The following TP63 variants were observed in gnomAD, a reference collection of about 807,000 sequenced individuals.
The protein encoded by TP63 is tumor protein p63, also known as tumor protein 63.
In TP63, 17 loss-of-function variants were observed where a neutral mutation model predicts 82.8. The observed-to-expected ratio is 0.21, with a 90% CI of 0.14 to 0.31. The LOEUF is 0.31. TP63 is among the 10% of genes least tolerant of loss of function. The probability of loss-of-function intolerance (pLI) is 1.00; values close to 1 mark genes in which losing one functional copy is unlikely to be tolerated. For synonymous variants in TP63, 330 were observed against 321.7 expected, an observed-to-expected ratio of 1.03 and a Z score of -0.28; for missense variants, 648 against 895.3, an observed-to-expected ratio of 0.72 and a Z score of 3.52.
chr3:189,879,339 G>A (rs1455524610), intron 10 of TP63, among the ~76,000 whole-genome samples: 1 of 152,170 alleles, frequency 6.6e-6, no homozygotes, highest in Non-Finnish European at 1.5e-5. Context: ...TTTATTTCTG[G>A]CATCCTCGTG....
At chr3:189,812,724 C>T (rs1016373758) in intron 4 of TP63, among the ~76,000 whole-genome samples, 2 of 152,190 alleles carry the variant, frequency 1.3e-5, no homozygotes, top group African/African-American at 4.8e-5. Context: ...CACCTAGCTA[C>T]TCATATGCTC....
chr3:189,858,126 C>CACAGTAGAATACTATTCAGTCAGAAAAA (rs148636152), intron 4 of TP63, among the ~76,000 whole-genome samples: 5 of 148,168 alleles, frequency 3.4e-5, no homozygotes, highest in African/African-American at 5.0e-5. Flanking sequence ...TGTGTATAGG[C>CACAGTAGAATACTATTCAGTCAGAAAAA]CGGGCGCGGT....
At chr3:189,820,317 C>G (rs763694210) in intron 4 of TP63, among the ~76,000 whole-genome samples, 1 of 152,150 alleles carries the variant, frequency 6.6e-6, no homozygotes, top group Non-Finnish European at 1.5e-5. Context: ...ATTAAATATA[C>G]GACCATTTGT....
chr3:189,691,458 GT>G (rs1227221350), intron 1 of TP63, among the ~76,000 whole-genome samples: 4 of 151,574 alleles, frequency 2.6e-5, no homozygotes, highest in African/African-American at 9.7e-5. Context: ...ACAATATTTT[GT>G]TGTGGGAAGT....
At chr3:189,647,606 C>A (rs1355833861) in intron 1 of TP63, among the ~76,000 whole-genome samples, 2 of 146,512 alleles carry the variant, frequency 1.4e-5, no homozygotes, top group Non-Finnish European at 3.0e-5. Flanking sequence ...GGGGGGATAT[C>A]TCTCAGGAAA....
intron 5 of TP63, among the ~76,000 whole-genome samples, chr3:189,866,329 G>T (rs1049499704): frequency 1.3e-5 from 2 of 151,960 alleles, no homozygotes; most frequent in African/African-American, 4.8e-5. Flanking sequence ...AAATTAATTT[G>T]CTTATTTCCC....
chr3:189,604,612 G>A, the TP63 span, among the ~76,000 whole-genome samples: 2 of 152,106 alleles, frequency 1.3e-5, no homozygotes, highest in East Asian at 3.9e-4. Context: ...TGTGGAACCC[G>A]ACCCCTAGAC....
chr3:189,821,017 T>A (rs1423621650), intron 4 of TP63, among the ~76,000 whole-genome samples: 1 of 152,226 alleles, frequency 6.6e-6, no homozygotes, highest in Non-Finnish European at 1.5e-5. Flanking sequence ...TCTTAATGAA[T>A]GAATAATATG....
the TP63 span, among the ~76,000 whole-genome samples, chr3:189,619,890 G>A: frequency 6.6e-6 from 1 of 152,164 alleles, no homozygotes; most frequent in Non-Finnish European, 1.5e-5. Flanking sequence ...TGATAAGGGA[G>A]TGGGCCAGTC....
chr3:189,630,375 A>C (rs1207144464), upstream of TP63, among the ~76,000 whole-genome samples: 1 of 152,152 alleles, frequency 6.6e-6, no homozygotes, highest in African/African-American at 2.4e-5. Context: ...CCACAAAACC[A>C]GGATAAGTTT....
intron 3 of TP63, among the ~76,000 whole-genome samples, chr3:189,744,702 C>T (rs189032778): frequency 1.6e-3 from 244 of 152,308 alleles, no homozygotes; most frequent in Middle Eastern, 3.4e-3. Context: ...ACTGCTAATG[C>T]CATCACCCAT....
intron 10 of TP63, among the ~76,000 whole-genome samples, chr3:189,878,501 G>A (rs142786858): frequency 0.052 from 7,588 of 147,324 alleles, 248 homozygotes; most frequent in Non-Finnish European, 0.075. Flanking sequence ...CAACTCTCCT[G>A]CCTCAGCCTC....
At chr3:189,672,616 AG>A (rs1164887682) in intron 1 of TP63, among the ~76,000 whole-genome samples, 39 of 138,664 alleles carry the variant, frequency 2.8e-4, no homozygotes, top group Non-Finnish European at 3.2e-5. Context: ...AAAGATAGAA[AG>A]AAAAAAGGAA....
chr3:189,839,389 G>C (rs1366775308), intron 4 of TP63, among the ~76,000 whole-genome samples: 1 of 152,100 alleles, frequency 6.6e-6, no homozygotes, highest in Non-Finnish European at 1.5e-5. Flanking sequence ...CCCGACCTTG[G>C]AAGAAAAATA....
chr3:189,674,508 G>A (rs772597653), intron 1 of TP63, among the ~76,000 whole-genome samples: 1 of 152,144 alleles, frequency 6.6e-6, no homozygotes, highest in Non-Finnish European at 1.5e-5. Flanking sequence ...AGGTTACACT[G>A]TGGGCAATGA....
At chr3:189,765,701 G>A (rs1722911928) in intron 3 of TP63, among the ~76,000 whole-genome samples, 1 of 151,976 alleles carries the variant, frequency 6.6e-6, no homozygotes, top group Admixed American at 6.5e-5. Flanking sequence ...CCAAAGTGCT[G>A]GGATTTAAGG....
At chr3:189,621,708 G>T in the TP63 span, among the ~76,000 whole-genome samples, 43,658 of 150,706 alleles carry the variant, frequency 0.29, 7,283 homozygotes, top group Middle Eastern at 0.49. Flanking sequence ...ATCTGGAAAA[G>T]AAGGATTTTT....
intron 1 of TP63, among the ~76,000 whole-genome samples, chr3:189,646,476 A>G (rs1208182875): frequency 1.4e-5 from 2 of 147,612 alleles, no homozygotes; most frequent in African/African-American, 5.1e-5. Context: ...ACTTACTTCA[A>G]TGACTAAACT....
chr3:189,864,372 G>T lies in TP63; in HGVS notation c.720G>T (p.Val240=). 3 of 1,613,968 alleles carry T rather than the reference G, an allele frequency of 1.9e-6. No homozygotes were observed. The highest frequency in any genetic ancestry group is 2.5e-6 in the Non-Finnish European group (3 of 1,179,932). The change falls in exon 5 of 14, where the codon GTG becomes GTT. Residue 240 remains valine (V), a synonymous_variant. Transcript: ENST00000264731. ...VYKKAEHVTE[V]VKRCPNHELS... ...AAAAAGCTGAGCACGTCACGGAGGTGGTGAAGCGGTGCCCCAACCATGAGC... is the reference window on the plus strand; with the variant it reads ...AAAAAGCTGAGCACGTCACGGAGGTTGTGAAGCGGTGCCCCAACCATGAGC...
Sources: gnomAD v4.1 joint callset for allele counts (sites outside exome capture counted in the v4.1 genomes callset) on GRCh38, gnomAD v4.1.1 for gene constraint, MANE v1.5 for transcripts, NCBI Gene and HGNC (gene_info 2026-07-23, HGNC 2026-07-21) for gene names.